Variants in MUC5B observed in about 807,000 individuals in gnomAD.
The protein encoded by MUC5B is mucin 5B, oligomeric mucus/gel-forming, also known as mucin-5B.
In MUC5B, 116 loss-of-function variants were observed where a neutral mutation model predicts 376.9. That is an observed-to-expected ratio of 0.31 (90% CI 0.26 to 0.36). The LOEUF is 0.36. Among genes scored for constraint, MUC5B ranks in the 10% least tolerant of loss-of-function variants. The pLI is 1.00. For synonymous variants in MUC5B, 3,517 were observed against 3,390.9 expected, an observed-to-expected ratio of 1.04 and a Z score of -1.29; for missense variants, 7,165 against 7,769.9, an observed-to-expected ratio of 0.92 and a Z score of 2.93.
rs1862269286 is a variant in MUC5B at position 1,241,033 on chromosome 11, C to T, written c.4153C>T (p.Leu1385Phe). The stretch of plus-strand genomic sequence containing the variant: ...TGACATCGAGTGCCGGGCGGCGCAG[C>T]TTCCCGACATGCCGCTGGAGGAGCT... Reference protein sequence around the residue: ...LADIECRAAQLPDMPLEELGQ... With the variant: ...LADIECRAAQFPDMPLEELGQ... The change falls in exon 31 of 49, where the codon CTT (leucine) becomes TTT (phenylalanine). Residue 1385 changes from leucine (L) to phenylalanine (F), a missense_variant. Transcript: ENST00000529681. The T allele has an allele frequency of 6.2e-7, 1 of 1,612,548 alleles. No individual in the cohort carries two copies. Among genetic ancestry groups the T allele is most frequent in the Admixed American group, 1.7e-5 (1 of 59,998 alleles).
Position 1,232,448 on chromosome 11 carries a change from A to G in MUC5B, c.1844-2A>G. 6.2e-7 allele frequency: 1 copy of G among 1,602,960 alleles called. No homozygotes were observed. Among genetic ancestry groups the G allele is most frequent in the Non-Finnish European group, 8.5e-7 (1 of 1,175,686 alleles). On this transcript the variant is annotated splice_acceptor_variant, in intron 15 of 48. Transcript: ENST00000529681. LOFTEE classifies it high-confidence loss of function. ...GGAGATGAGGTCAGGTCTTCCCCAC[A>G]GAGAACTACGCCCGGCACTGGTGCT... is the stretch of plus-strand genomic sequence containing the variant.
Position 1,244,931 on chromosome 11 carries a change from G to A in MUC5B, c.8051G>A (p.Ser2684Asn). The change falls in exon 31 of 49, where the codon AGT (serine) becomes AAT (asparagine). Residue 2684 changes from serine (S) to asparagine (N), a missense_variant. Around this residue, in one of 31 missense-constraint regions of MUC5B, gnomAD observed 70 missense variants for 169.1 expected, o/e 0.41. Coordinates refer to ENST00000529681, the MANE Select transcript of MUC5B (RefSeq NM_002458.3). Reference protein sequence around the residue: ...MATPSSSTQTSGTPPSLTTTA... With the variant: ...MATPSSSTQTNGTPPSLTTTA... ...ACACCCTCCTCTAGCACACAGACCA[G>A]TGGTACTCCCCCATCACTGACCACC... 6.3e-7 allele frequency: 1 copy of A among 1,586,502 alleles called. No individual in the cohort carries two copies. Among genetic ancestry groups the A allele is most frequent in the South Asian group, 1.1e-5 (1 of 88,568 alleles).
Position 1,250,172 on chromosome 11 carries a change from C to G in MUC5B, c.13292C>G (p.Thr4431Ser), listed in dbSNP as rs1862633065. 6.3e-7 allele frequency: 1 copy of G among 1,589,166 alleles called. No homozygotes were observed. The highest frequency in any genetic ancestry group is 1.3e-5 in the African/African-American group (1 of 74,546). ...LTELTTTATT[T>S]ASTGSTATPS... ...GAGCTGACCACAACAGCCACTACGA[C>G]TGCGTCCACTGGATCCACGGCCACC... Residue 4431 changes from threonine to serine, a missense_variant, in exon 31 of 49, where the codon ACT (threonine) becomes AGT (serine). Transcript: ENST00000529681.
At chr11:1,223,292 A>G in intron 1 of MUC5B, 99 bp downstream of exon 1, 1 of 698,694 alleles carries the variant, frequency 1.4e-6, no homozygotes, top group Non-Finnish European at 2.6e-6. Flanking sequence ...GTGCACGGGC[A>G]GATCCCCCTA....
rs767483209 is a variant in MUC5B at position 1,259,978 on chromosome 11, G to A, written c.16816G>A (p.Val5606Ile). The change falls in exon 46 of 49, where the codon GTC becomes ATC. Residue 5606 changes from valine (V) to isoleucine (I), a missense_variant. Physicochemically the swap from Val to Ile is conservative, Grantham distance 29 (BLOSUM62 3). Transcript: ENST00000529681. ...GQPVQLNETW[V>I]NSHVDNCTVY... Reference sequence around the variant, plus strand: ...TGCATTTCAGCTGAATGAAACCTGGGTCAACAGCCATGTGGACAACTGCAC... The same window carrying A: ...TGCATTTCAGCTGAATGAAACCTGGATCAACAGCCATGTGGACAACTGCAC... The A allele has an allele frequency of 6.2e-7, 1 of 1,612,980 alleles. No individual in the cohort carries two copies. The highest frequency in any genetic ancestry group is 1.1e-5 in the South Asian group (1 of 91,088).
Position 1,229,716 on chromosome 11 carries a change from T to A in MUC5B, c.1129T>A (p.Ser377Thr). Residue 377 changes from serine to threonine, a missense_variant, in exon 10 of 49, where the codon TCT (serine) becomes ACT (threonine). Transcript: ENST00000529681. ...PGTVLDDITH[S>T]GCLPLGQCPC... The stretch of plus-strand genomic sequence containing the variant: ...CACGGTGCTGGATGACATCACGCAC[T>A]CTGGCTGCCTGCCCCTCGGGCAGTG... 2 of 1,589,670 alleles carry A rather than the reference T, an allele frequency of 1.3e-6. No homozygotes were observed. The highest frequency in any genetic ancestry group is 1.7e-6 in the Non-Finnish European group (2 of 1,171,748).
chr11:1,260,965 G>A (rs1043323723), intron 48 of MUC5B, among the ~76,000 whole-genome samples: 3 of 152,186 alleles, frequency 2.0e-5, no homozygotes, highest in Non-Finnish European at 4.4e-5. Context: ...AGAGCTCCCC[G>A]CTGCGAACCC....
At position 1,227,076 on chromosome 11, in the gene MUC5B, C is replaced by T. The variant is rs755303884; in HGVS notation, c.507C>T (p.Ser169=). Residue 169 remains serine (S), a synonymous_variant, in exon 5 of 49, where the codon AGC becomes AGT. Coordinates refer to ENST00000529681, the MANE Select transcript of MUC5B (RefSeq NM_002458.3). The part of the protein sequence containing the change: ...YSRTGLLVEQ[S]GDYIKVSIRL... ...GCACTGGCCTCCTGGTGGAGCAGAGCGGGGACTACATCAAGGTCAGCATCC... is the reference window on the plus strand; with the variant it reads ...GCACTGGCCTCCTGGTGGAGCAGAGTGGGGACTACATCAAGGTCAGCATCC... The T allele has an allele frequency of 1.2e-5, 19 of 1,612,364 alleles. No homozygotes were observed. Among genetic ancestry groups the T allele is most frequent in the East Asian group, 1.1e-4 (5 of 44,882 alleles).
chr11:1,257,993 A>C lies in MUC5B; in HGVS notation c.16451-106A>C, dbSNP rs183562762. ...TGGAGGGAGCCCCCAGGGGCTGTGA[A>C]GCGGTCAGGTCCTCGGGGAAAAGCA... On this transcript the variant is annotated intron_variant, in intron 41 of 48. Transcript: ENST00000529681. This position sits in a 1 kb window ranked among gnomAD's most constrained non-coding sequence, Gnocchi z 8.9. 1.7e-5 allele frequency: 20 copies of C among 1,176,236 alleles called. No homozygotes were observed. In the East Asian group the frequency reaches 4.9e-4, roughly 29 times the overall value. The allele number at this position is 1,176,236 out of a possible 1,614,324, so 72.9% of individuals were successfully genotyped here. A position where few individuals can be genotyped will look rare whatever the true frequency, so the allele number is the denominator to read the frequency against.
intron 25 of MUC5B, among the ~76,000 whole-genome samples, chr11:1,238,608 G>T (rs1472011533): frequency 1.3e-5 from 2 of 152,186 alleles, no homozygotes; most frequent in Non-Finnish European, 2.9e-5. Context: ...AGGTGGGCAG[G>T]TGCATAGGTG....
Position 1,241,968 on chromosome 11 carries a change from C to T in MUC5B, c.5088C>T (p.Arg1696=), listed in dbSNP as rs755951718. ...PGVATSTLPT[R]SALPGTTGSL... ...TGGCCACATCCACCCTTCCAACACG[C>T]TCAGCCCTTCCAGGGACGACGGGGA... The change falls in exon 31 of 49, where the codon CGC becomes CGT. Residue 1696 remains arginine, a synonymous_variant. Transcript: ENST00000529681. The T allele has an allele frequency of 2.5e-6, 4 of 1,601,620 alleles. No homozygotes were observed. The highest frequency in any genetic ancestry group is 2.3e-5 in the East Asian group (1 of 44,000).
intron 7 of MUC5B, 180 bp from the exon 8 acceptor site, chr11:1,228,384 C>G: frequency 1.7e-6 from 1 of 598,412 alleles, no homozygotes; most frequent in Non-Finnish European, 2.8e-6. Context: ...TCACGGGTCA[C>G]TCCCCAAGGG....
rs1248372844 is a variant in MUC5B at position 1,253,627 on chromosome 11, T to C, written c.15218-465T>C. On this transcript the variant is annotated intron_variant, in intron 33 of 48. Transcript: ENST00000529681. This position sits in a 1 kb window ranked among gnomAD's most constrained non-coding sequence, Gnocchi z 4.3. ...AGATCCAGGCGGGCAGGGGATAGACTCCCTGCTGAGGGTCTGGGGAGGTCC... is the reference window on the plus strand; with the variant it reads ...AGATCCAGGCGGGCAGGGGATAGACCCCCTGCTGAGGGTCTGGGGAGGTCC... Among the ~76,000 whole-genome samples, 2 of 152,056 alleles carry C rather than the reference T, an allele frequency of 1.3e-5. No homozygotes were observed. Among genetic ancestry groups the C allele is most frequent in the African/African-American group, 4.8e-5 (2 of 41,364 alleles).
In MUC5B at chr11:1,231,518, G is replaced by C; in HGVS notation, c.1636G>C (p.Val546Leu). 4 of 1,600,470 alleles carry C rather than the reference G, an allele frequency of 2.5e-6. No homozygotes were observed. The highest frequency in any genetic ancestry group is 1.7e-4 in the Middle Eastern group (1 of 6,050). ...GGTGCAGCTGGTGCCACTCATGCAG[G>C]TGTTTGTCAGGCTGGACCCCGCCCA... Reference protein sequence around the residue: ...LLVQLVPLMQVFVRLDPAHQG... With the variant: ...LLVQLVPLMQLFVRLDPAHQG... Residue 546 changes from valine (V) to leucine (L), a missense_variant, in exon 14 of 49, where the codon GTG (valine) becomes CTG (leucine). This residue lies in a region of MUC5B where 640 missense variants were observed against 733.0 expected (regional missense o/e 0.87). Coordinates refer to ENST00000529681, the MANE Select transcript of MUC5B (RefSeq NM_002458.3).
chr11:1,234,885 C>A lies in MUC5B; in HGVS notation c.2631-200C>A, dbSNP rs1205995734. 6.6e-6 allele frequency among the ~76,000 whole-genome samples: 1 copy of A among 152,118 alleles called. No individual in the cohort carries two copies. The highest frequency in any genetic ancestry group is 1.5e-5 in the Non-Finnish European group (1 of 67,996). The stretch of plus-strand genomic sequence containing the variant: ...CGTCCTCTGGAAGGTGGCCCAGGGG[C>A]CGTGGTGCTACCAGGAGCCTGGTGG... On this transcript the variant is annotated intron_variant, in intron 21 of 48. Transcript: ENST00000529681. The surrounding 1 kb of genome is among the most constrained non-coding windows in gnomAD (Gnocchi z 6.3).
rs1424892207 is a variant in MUC5B, at chr11:1,241,340, G to C, written c.4460G>C (p.Ser1487Thr). 6.2e-7 allele frequency: 1 copy of C among 1,610,832 alleles called. No individual in the cohort carries two copies. The highest frequency in any genetic ancestry group is 1.3e-5 in the African/African-American group (1 of 74,868). ...GCCCTCACCTCGCAGACTGGGTCCA[G>C]CTCAGGCCCCGTGACGGTCACCCCC... The part of the protein sequence containing the change: ...TAALTSQTGS[S>T]SGPVTVTPSA... The change falls in exon 31 of 49, where the codon AGC (serine) becomes ACC (threonine). Residue 1487 changes from serine (S) to threonine (T), a missense_variant. This residue lies in a region of MUC5B where 517 missense variants were observed against 545.3 expected (regional missense o/e 0.95). Coordinates refer to ENST00000529681, the MANE Select transcript of MUC5B (RefSeq NM_002458.3).
intron 1 of MUC5B, among the ~76,000 whole-genome samples, chr11:1,224,568 G>T (rs1467097935): frequency 6.8e-6 from 1 of 147,998 alleles, no homozygotes; most frequent in Non-Finnish European, 1.5e-5. Flanking sequence ...GGGCTGCCTG[G>T]GGCTGGGGAG....
chr11:1,239,631 CG>C, intron 27 of MUC5B, 65 bp downstream of exon 27: 1 of 1,518,944 alleles, frequency 6.6e-7, no homozygotes. Flanking sequence ...CGTGGGGGGG[CG>C]GGGATCCCCA....
chr11:1,256,189 C>A lies in MUC5B; in HGVS notation c.16100C>A (p.Pro5367Gln). The change falls in exon 38 of 49, where the codon CCA becomes CAA. Residue 5367 changes from proline (P) to glutamine (Q), a missense_variant. Transcript: ENST00000529681. ...TGCCCACCCACCAAAGTGTACAAGCCATGCGGCCCCATACAGCCTGCCACC... is the reference window on the plus strand; with the variant it reads ...TGCCCACCCACCAAAGTGTACAAGCAATGCGGCCCCATACAGCCTGCCACC... ...LTCPPTKVYKPCGPIQPATCN... is the reference protein window; with the variant it reads ...LTCPPTKVYKQCGPIQPATCN... The A allele has an allele frequency of 1.4e-6, 1 of 735,856 alleles. No individual in the cohort carries two copies. The allele number at this position is 735,856 out of a possible 1,614,324, so 45.6% of individuals were successfully genotyped here.
Sources: gnomAD v4.1 joint callset for allele counts (sites outside exome capture counted in the v4.1 genomes callset) on GRCh38, gnomAD v4.1.1 for gene constraint, gnomAD v4.1.1 regional missense constraint, Gnocchi (gnomAD v3.1) non-coding constraint, MANE v1.5 for transcripts, NCBI Gene and HGNC (gene_info 2026-07-23, HGNC 2026-07-21) for gene names.